Variants in GPC5 observed in about 807,000 individuals in gnomAD.
GPC5 encodes the protein glypican 5.
A neutral mutation model predicts 53.9 loss-of-function variants in GPC5; 47 were observed. The observed-to-expected ratio is 0.87, with a 90% CI of 0.69 to 1.11. The LOEUF (loss-of-function observed/expected upper bound fraction) is 1.11, where lower values mean the gene tolerates loss of function less well. Ranked by LOEUF, GPC5 falls within the 50% of genes most tolerant of loss-of-function variation. GPC5 has a pLI of 0.00. For synonymous variants in GPC5, 286 were observed against 263.3 expected (o/e 1.09, Z -0.84); for missense variants, 748 against 713.1 (o/e 1.05, Z -0.56).
intron 7 of GPC5, among the ~76,000 whole-genome samples, chr13:92,427,732 G>A (rs979096648): frequency 3.9e-5 from 6 of 152,048 alleles, no homozygotes; most frequent in Non-Finnish European, 8.8e-5. Context: ...TGATTAACCT[G>A]GATGTGCAAG....
chr13:92,847,788 A>T (rs542411171), intron 7 of GPC5, among the ~76,000 whole-genome samples: 2 of 152,274 alleles, frequency 1.3e-5, no homozygotes, highest in African/African-American at 4.8e-5. Flanking sequence ...TTTTTTATTC[A>T]ACGTGTATCA....
intron 3 of GPC5, among the ~76,000 whole-genome samples, chr13:91,708,782 C>A (rs2036164115): frequency 6.6e-6 from 1 of 152,080 alleles, no homozygotes; most frequent in Non-Finnish European, 1.5e-5. Flanking sequence ...GAAGTAATTT[C>A]TATGTGTGGG....
chr13:91,989,979 G>A (rs928110723), intron 6 of GPC5, among the ~76,000 whole-genome samples: 1 of 152,064 alleles, frequency 6.6e-6, no homozygotes, highest in African/African-American at 2.4e-5. Context: ...GACACATAAA[G>A]TTAAAACCTG....
intron 7 of GPC5, among the ~76,000 whole-genome samples, chr13:92,487,951 G>A (rs966214674): frequency 2.0e-5 from 3 of 151,990 alleles, no homozygotes; most frequent in Non-Finnish European, 4.4e-5. Flanking sequence ...AATATGAAGG[G>A]AATTGTGAGG....
At chr13:92,713,078 G>A (rs1347783575) in intron 7 of GPC5, among the ~76,000 whole-genome samples, 1 of 151,628 alleles carries the variant, frequency 6.6e-6, no homozygotes, top group Non-Finnish European at 1.5e-5. Flanking sequence ...CAATATGACT[G>A]GTGTCCTTAT....
chr13:92,607,796 T>G (rs1884303638), intron 7 of GPC5, among the ~76,000 whole-genome samples: 1 of 152,120 alleles, frequency 6.6e-6, no homozygotes, highest in Non-Finnish European at 1.5e-5. Flanking sequence ...AATGCACCCT[T>G]TTACCAATTA....
At chr13:92,556,773 T>C (rs1882509124) in intron 7 of GPC5, among the ~76,000 whole-genome samples, 1 of 151,908 alleles carries the variant, frequency 6.6e-6, no homozygotes, top group South Asian at 2.1e-4. Flanking sequence ...TTGTAGATCA[T>C]CATATGTTCT....
At position 91,439,324 on chromosome 13, in the gene GPC5, C is replaced by T. The variant is rs534256163; in HGVS notation, c.164-9437C>T. On this transcript the variant is annotated intron_variant, in intron 1 of 7. Coordinates refer to ENST00000377067, the MANE Select transcript of GPC5 (RefSeq NM_004466.6). Reference sequence around the variant, plus strand: ...GCTAAGCATCTTGCTGGGTTCGAGACAGCTCCCTGAGAAAAAAAAGAATTA... The same window carrying T: ...GCTAAGCATCTTGCTGGGTTCGAGATAGCTCCCTGAGAAAAAAAAGAATTA... Among the ~76,000 whole-genome samples the T allele has an allele frequency of 2.6e-5, 4 of 152,318 alleles. No individual in the cohort carries two copies. The East Asian group carries it at 5.8e-4, about 22-fold the overall frequency.
At chr13:92,521,347 G>A (rs111470015) in intron 7 of GPC5, among the ~76,000 whole-genome samples, 17 of 152,224 alleles carry the variant, frequency 1.1e-4, no homozygotes, top group African/African-American at 2.9e-4. Flanking sequence ...GAACAAAGCC[G>A]GAGGCATCAT....
At chr13:91,524,281 C>T (rs1198443243) in intron 2 of GPC5, among the ~76,000 whole-genome samples, 1 of 151,954 alleles carries the variant, frequency 6.6e-6, no homozygotes, top group East Asian at 1.9e-4. Flanking sequence ...TTCTCTGATG[C>T]TTTGCAGTTG....
At chr13:92,362,221 A>G (rs1010400414) in intron 7 of GPC5, among the ~76,000 whole-genome samples, 17 of 151,692 alleles carry the variant, frequency 1.1e-4, no homozygotes, top group Admixed American at 5.2e-4. Flanking sequence ...TCCATTTTGC[A>G]GTGTTTTCCT....
chr13:92,430,262 G>A (rs16947602), intron 7 of GPC5, among the ~76,000 whole-genome samples: 3,218 of 152,056 alleles, frequency 0.021, 125 homozygotes, highest in African/African-American at 0.074. Context: ...ACTAAGAAAT[G>A]TATATGTGCT....
In GPC5 at chr13:92,290,288, A is replaced by G. The variant is rs538058185; in HGVS notation, c.1561+145299A>G. Among the ~76,000 whole-genome samples, 61 of 152,164 alleles carry G rather than the reference A, an allele frequency of 4.0e-4. 1 individual carries two copies. The highest frequency in any genetic ancestry group is 2.2e-3 in the Admixed American group (33 of 15,266). On this transcript the variant is annotated intron_variant, in intron 7 of 7. Transcript: ENST00000377067. ...GACACTTAGTGAGGAATCTAATCCT[A>G]TATCATCTAAATTGTATGAGGAAGT...
At chr13:91,802,378 A>G (rs2138779749) in intron 5 of GPC5, among the ~76,000 whole-genome samples, 1 of 152,326 alleles carries the variant, frequency 6.6e-6, no homozygotes, top group East Asian at 1.9e-4. Flanking sequence ...CACTGACTTC[A>G]GGAATGAAGC....
chr13:91,467,972 G>A (rs750381578), intron 2 of GPC5, among the ~76,000 whole-genome samples: 1 of 152,108 alleles, frequency 6.6e-6, no homozygotes, highest in African/African-American at 2.4e-5. Context: ...CCAGAATATC[G>A]CTGGCTCACA....
At chr13:91,999,240 C>T (rs1014471627) in intron 6 of GPC5, among the ~76,000 whole-genome samples, 2 of 151,942 alleles carry the variant, frequency 1.3e-5, no homozygotes, top group East Asian at 1.9e-4. Context: ...GAAACATACT[C>T]CAGTAAAGCT....
chr13:92,526,185 T>C (rs1039652673), intron 7 of GPC5, among the ~76,000 whole-genome samples: 1 of 152,150 alleles, frequency 6.6e-6, no homozygotes, highest in Non-Finnish European at 1.5e-5. Flanking sequence ...CAGTATGGAA[T>C]TATAGACATA....
At chr13:92,464,606 G>C (rs1878619852) in intron 7 of GPC5, among the ~76,000 whole-genome samples, 1 of 151,910 alleles carries the variant, frequency 6.6e-6, no homozygotes, top group African/African-American at 2.4e-5. Context: ...AGAATACCTT[G>C]ACTCAAGAAT....
At chr13:91,623,554 T>A (rs1351060390) in intron 2 of GPC5, among the ~76,000 whole-genome samples, 1 of 152,118 alleles carries the variant, frequency 6.6e-6, no homozygotes, top group African/African-American at 2.4e-5. Context: ...CCAGGGTTTA[T>A]CTTATTTATG....
Sources: allele counts gnomAD v4.1 joint callset (sites outside exome capture counted in the v4.1 genomes callset), GRCh38; gene constraint gnomAD v4.1.1; transcripts MANE v1.5; gene names NCBI Gene and HGNC (gene_info 2026-07-23, HGNC 2026-07-21).